ISLR2: variants seen among roughly 807,000 people sequenced by gnomAD.
ISLR2 encodes the protein immunoglobulin superfamily containing leucine rich repeat 2.
In ISLR2, 16 loss-of-function variants were observed where a neutral mutation model predicts 25.5. That is an observed-to-expected ratio of 0.63 (90% confidence interval 0.43 to 0.95). ISLR2 has a LOEUF of 0.95. ISLR2 is among the 40% of genes least tolerant of loss of function. The pLI is 0.00. For synonymous variants in ISLR2, 508 were observed against 486.6 expected (o/e 1.04, Z -0.58); for missense variants, 883 against 1,030.7 (o/e 0.86, Z 1.96).
intron 1 of ISLR2, among the ~76,000 whole-genome samples, chr15:74,103,016 C>CA (rs1390533621): frequency 1.3e-5 from 2 of 150,902 alleles, no homozygotes; most frequent in African/African-American, 2.5e-5. Flanking sequence ...CCATGTTGGC[C>CA]AGGCTGGTCT....
rs902466279 is a variant in ISLR2 at position 74,136,125 on chromosome 15, C to A, written c.*1133C>A. On this transcript the variant is annotated 3_prime_UTR_variant, in exon 3 of 3. Transcript: ENST00000453268. Reference sequence around the variant, plus strand: ...CTGTCGTCTCTCTCCTAACTTAAAGCGCCGCAGGACCGCGCGCCCCTTGGC... The same window carrying A: ...CTGTCGTCTCTCTCCTAACTTAAAGAGCCGCAGGACCGCGCGCCCCTTGGC... The A allele has an allele frequency of 6.0e-6, 1 of 166,654 alleles. No homozygotes were observed. Among genetic ancestry groups the A allele is most frequent in the Non-Finnish European group, 1.5e-5 (1 of 68,138 alleles). The allele number at this position is 166,654 out of a possible 1,614,324, so 10.3% of individuals were successfully genotyped here.
chr15:74,102,211 GA>G (rs578107757), intron 1 of ISLR2, among the ~76,000 whole-genome samples: 34 of 44,536 alleles, frequency 7.6e-4, no homozygotes, highest in South Asian at 7.1e-3. Context: ...AACAAGGTGA[GA>G]AAAAAAAAAA....
chr15:74,133,416 C>G lies in ISLR2; in HGVS notation c.662C>G (p.Pro221Arg), dbSNP rs1317591393. ...TCGCCTCCCGCGCTGCAGGGGGTGC[C>G]GGTGTACCGCCTGCCCGCCCTGCCC... ...CASPPALQGV[P>R]VYRLPALPCA... Residue 221 changes from proline to arginine, a missense_variant, in exon 3 of 3, where the codon CCG becomes CGG. Physicochemically the swap from Pro to Arg is moderately radical, Grantham distance 103. This residue lies in a region of ISLR2 where 271 missense variants were observed against 387.9 expected (regional missense o/e 0.70). Transcript: ENST00000453268. The G allele has an allele frequency of 1.2e-6, 2 of 1,607,126 alleles. No homozygotes were observed. The highest frequency in any genetic ancestry group is 8.5e-7 in the Non-Finnish European group (1 of 1,179,630).
Position 74,135,175 on chromosome 15 carries a change from G to A in ISLR2, c.*183G>A, listed in dbSNP as rs1251095104. 5 of 678,428 alleles carry A rather than the reference G, an allele frequency of 7.4e-6. No homozygotes were observed. The highest frequency in any genetic ancestry group is 2.5e-6 in the Non-Finnish European group (1 of 397,120). The allele number at this position is 678,428 out of a possible 1,614,324, so 42.0% of individuals were successfully genotyped here. A position where few individuals can be genotyped will look rare whatever the true frequency, so the allele number is the denominator to read the frequency against. ...GAGTGGGCCGATTTCACCAGTCCCT[G>A]CTACCCACGGCTGCCATTCTCCCTG... On this transcript the variant is annotated 3_prime_UTR_variant, in exon 3 of 3. Transcript: ENST00000453268.
In ISLR2 at chr15:74,134,282, G is replaced by C. The variant is rs1260108878; in HGVS notation, c.1528G>C (p.Gly510Arg). The part of the protein sequence containing the change: ...VQLTPLAARW[G>R]PGPGGAGGAP... ...GCTGACTCCGCTGGCTGCGCGCTGG[G>C]GCCCTGGGCCCGGCGGGGCTGGCGG... The change falls in exon 3 of 3, where the codon GGC becomes CGC. Residue 510 changes from glycine to arginine, a missense_variant. By Grantham distance (125) the Gly-to-Arg change is moderately radical (BLOSUM62 -2). This residue lies in a region of ISLR2 where 612 missense variants were observed against 642.8 expected (regional missense o/e 0.95). Transcript: ENST00000453268. 5 of 1,546,842 alleles carry C rather than the reference G, an allele frequency of 3.2e-6. No individual in the cohort carries two copies. Among genetic ancestry groups the C allele is most frequent in the Non-Finnish European group, 4.4e-6 (5 of 1,145,942 alleles).
intron 2 of ISLR2, among the ~76,000 whole-genome samples, chr15:74,118,368 C>T (rs947833836): frequency 6.6e-6 from 1 of 152,040 alleles, no homozygotes; most frequent in Non-Finnish European, 1.5e-5. Flanking sequence ...GACCACAGGA[C>T]CGGGGTGAAA....
At chr15:74,108,502 G>A (rs1454947050) in intron 2 of ISLR2, among the ~76,000 whole-genome samples, 1 of 151,908 alleles carries the variant, frequency 6.6e-6, no homozygotes, top group Non-Finnish European at 1.5e-5. Flanking sequence ...CCATGTCCAC[G>A]CAGCCCTCAA....
At position 74,132,051 on chromosome 15, in the gene ISLR2, T is replaced by C. The variant is rs2072432867; in HGVS notation, c.-8-696T>C. The C allele has an allele frequency of 6.6e-6, 1 of 152,378 alleles. No homozygotes were observed. The highest frequency in any genetic ancestry group is 2.4e-5 in the African/African-American group (1 of 41,464). The allele number at this position is 152,378 out of a possible 1,614,324, so 9.4% of individuals were successfully genotyped here. A position where few individuals can be genotyped will look rare whatever the true frequency, so the allele number is the denominator to read the frequency against. Reference sequence around the variant, plus strand: ...GTGTGAGGACTTGTGTCCTTGTGTCTGTCAATTGTCACAATGGACAGGAAA... The same window carrying C: ...GTGTGAGGACTTGTGTCCTTGTGTCCGTCAATTGTCACAATGGACAGGAAA... On this transcript the variant is annotated intron_variant, in intron 2 of 2. Coordinates refer to ENST00000453268, the MANE Select transcript of ISLR2 (RefSeq NM_020851.3). The surrounding 1 kb of genome is among the most constrained non-coding windows in gnomAD (Gnocchi z 4.3).
chr15:74,132,788 G>T lies in ISLR2; in HGVS notation c.34G>T (p.Ala12Ser). Reference protein sequence around the residue: ...FPLRALWLVWALLGVAGSCPE... With the variant: ...FPLRALWLVWSLLGVAGSCPE... ...CCTTCGGGCCCTGTGGTTGGTCTGGGCGCTTCTAGGAGTGGCCGGATCATG... is the reference window on the plus strand; with the variant it reads ...CCTTCGGGCCCTGTGGTTGGTCTGGTCGCTTCTAGGAGTGGCCGGATCATG... Residue 12 changes from alanine to serine, a missense_variant, in exon 3 of 3, where the codon GCG (alanine) becomes TCG (serine). Physicochemically the swap from Ala to Ser is moderately conservative, Grantham distance 99 (BLOSUM62 1). Around this residue, in one of 2 missense-constraint regions of ISLR2, gnomAD observed 271 missense variants for 387.9 expected, o/e 0.70. Coordinates refer to ENST00000453268, the MANE Select transcript of ISLR2 (RefSeq NM_020851.3). The surrounding 1 kb of genome is among the most constrained non-coding windows in gnomAD (Gnocchi z 4.3). 6.2e-7 allele frequency: 1 copy of T among 1,613,580 alleles called. No homozygotes were observed. Among genetic ancestry groups the T allele is most frequent in the Non-Finnish European group, 8.5e-7 (1 of 1,179,538 alleles).
chr15:74,114,317 C>G (rs1400703876), intron 2 of ISLR2, among the ~76,000 whole-genome samples: 3 of 152,118 alleles, frequency 2.0e-5, no homozygotes, highest in African/African-American at 7.2e-5. Context: ...CGATTAATAT[C>G]ATATTCATTC....
At chr15:74,125,313 T>C (rs2072286234), upstream of ISLR2, among the ~76,000 whole-genome samples, 1 of 152,168 alleles carries the variant, frequency 6.6e-6, no homozygotes, top group South Asian at 2.1e-4. Flanking sequence ...TCATGGCTTA[T>C]GGCTGCCTCG....
intron 2 of ISLR2, among the ~76,000 whole-genome samples, chr15:74,111,361 C>T (rs2072166174): frequency 6.6e-6 from 1 of 152,016 alleles, no homozygotes; most frequent in African/African-American, 2.4e-5. Flanking sequence ...ATGATCTCGG[C>T]TCACTGCAGC....
In ISLR2 at chr15:74,135,265, AG is replaced by A. The variant is rs1390622734; in HGVS notation, c.*274del. 4 of 439,718 alleles carry A rather than the reference AG, an allele frequency of 9.1e-6. No individual in the cohort carries two copies. The highest frequency in any genetic ancestry group is 1.7e-5 in the Non-Finnish European group (4 of 233,070). 27.2% of individuals were successfully genotyped at this position (439,718 alleles called of 1,614,324 possible). A position where few individuals can be genotyped will look rare whatever the true frequency, so the allele number is the denominator to read the frequency against. On this transcript the variant is annotated 3_prime_UTR_variant, in exon 3 of 3. Transcript: ENST00000453268. ...TTACCCCATGCAAGACTCCACCCGC[AG>A]ACGGTGGGCGATATCTATGTCCCTC...
At chr15:74,129,371 A>G (rs762372766), upstream of ISLR2, 1 of 236,322 alleles carries the variant, frequency 4.2e-6, no homozygotes. This position sits in a 1 kb window ranked among gnomAD's most constrained non-coding sequence, Gnocchi z 4.5. Context: ...AAGATGCTCA[A>G]CACTCAAATC....
At chr15:74,112,241 C>T (rs1315995015) in intron 2 of ISLR2, among the ~76,000 whole-genome samples, 1 of 152,196 alleles carries the variant, frequency 6.6e-6, no homozygotes. Context: ...GCTAGGTCAC[C>T]TGCTGGAAGA....
intron 2 of ISLR2, among the ~76,000 whole-genome samples, chr15:74,107,476 A>G (rs1447412871): frequency 6.6e-6 from 1 of 151,868 alleles, no homozygotes; most frequent in Non-Finnish European, 1.5e-5. Context: ...GAAATAGAGG[A>G]TGTCCCCCAG....
At chr15:74,113,185 C>T (rs1243037921) in intron 2 of ISLR2, among the ~76,000 whole-genome samples, 4 of 152,192 alleles carry the variant, frequency 2.6e-5, no homozygotes, top group Admixed American at 2.0e-4. Context: ...TGATGGGGGG[C>T]GGAGCTCAGG....
chr15:74,128,336 C>T (rs980640998), upstream of ISLR2: 5 of 419,276 alleles, frequency 1.2e-5, no homozygotes, highest in Admixed American at 6.5e-5. Context: ...CCAGGGCAGC[C>T]TCCGGGAACA....
At chr15:74,111,573 GC>G (rs1414159844) in intron 2 of ISLR2, among the ~76,000 whole-genome samples, 2 of 151,880 alleles carry the variant, frequency 1.3e-5, no homozygotes, top group African/African-American at 4.8e-5. Flanking sequence ...ATGGGTGTGA[GC>G]CACCATGCCA....
Sources: allele counts gnomAD v4.1 joint callset (sites outside exome capture counted in the v4.1 genomes callset), GRCh38; gene constraint gnomAD v4.1.1; regional missense constraint gnomAD v4.1.1; non-coding constraint Gnocchi (gnomAD v3.1); transcripts MANE v1.5; gene names NCBI Gene and HGNC (gene_info 2026-07-23, HGNC 2026-07-21).